BRD8: variants seen among roughly 807,000 people sequenced by gnomAD.
The protein encoded by BRD8 is bromodomain containing 8.
Under a neutral mutation model 143.1 loss-of-function variants are expected in BRD8, and 67 were observed. The observed-to-expected ratio is 0.47, with a 90% confidence interval of 0.38 to 0.57. The LOEUF (loss-of-function observed/expected upper bound fraction) is 0.57, where lower values mean the gene tolerates loss of function less well. Among genes scored for constraint, BRD8 ranks in the 20% least tolerant of loss-of-function variants. BRD8 has a pLI of 0.00. For missense variants in BRD8, 1,103 were observed against 1,503.0 expected, an observed-to-expected ratio of 0.73 and a Z score of 4.40; for synonymous variants, 505 against 517.1, an observed-to-expected ratio of 0.98 and a Z score of 0.32.
intron 19 of BRD8, 47 bp from the exon 20 acceptor site, chr5:138,159,646 A>C: frequency 1.9e-6 from 3 of 1,588,846 alleles, no homozygotes; most frequent in Non-Finnish European, 2.6e-6. Flanking sequence ...AGAAACTCTC[A>C]GCCACAAGCA....
chr5:138,144,916 A>AT (rs1337652818), intron 25 of BRD8, among the ~76,000 whole-genome samples: 2,627 of 134,388 alleles, frequency 0.02, 11 homozygotes, highest in Middle Eastern at 0.028. Context: ...AAAAAAAAAA[A>AT]AAATATATAT....
In BRD8 at chr5:138,152,780, C is replaced by T; in HGVS notation, c.2578-20G>A. Reference sequence around the variant, plus strand: ...TCCCATCTGTAAATACACAGGAAAACATGCATTAAATTCATTCAAATAAAT... The same window carrying T: ...TCCCATCTGTAAATACACAGGAAAATATGCATTAAATTCATTCAAATAAAT... On this transcript the variant is annotated intron_variant, in intron 20 of 26. Coordinates refer to ENST00000254900, the MANE Select transcript of BRD8 (RefSeq NM_139199.2). 4.4e-6 allele frequency: 7 copies of T among 1,599,708 alleles called. No individual in the cohort carries two copies. Among genetic ancestry groups the T allele is most frequent in the Non-Finnish European group, 6.0e-6 (7 of 1,170,148 alleles).
chr5:138,152,677 G>C lies in BRD8; in HGVS notation c.2661C>G (p.Phe887Leu). ...GATCCAGACTGGAGTCCCATGAGCTGAAGAGGGACCTGCAGTCATTGCTCA... is the reference window on the plus strand; with the variant it reads ...GATCCAGACTGGAGTCCCATGAGCTCAAGAGGGACCTGCAGTCATTGCTCA... ...SELSNDCRSL[F>L]SSWDSSLDLD... is the part of the protein sequence containing the mutation. The change falls in exon 21 of 27, where the codon TTC (phenylalanine) becomes TTG (leucine). Residue 887 changes from phenylalanine to leucine, a missense_variant. This residue lies in a region of BRD8 where 369 missense variants were observed against 445.5 expected (regional missense o/e 0.83). Coordinates refer to ENST00000254900, the MANE Select transcript of BRD8 (RefSeq NM_139199.2). 1 of 1,614,186 alleles carries C rather than the reference G, an allele frequency of 6.2e-7. No individual in the cohort carries two copies.
chr5:138,148,629 A>G (rs1350014116), intron 23 of BRD8, among the ~76,000 whole-genome samples: 1 of 152,102 alleles, frequency 6.6e-6, no homozygotes, highest in Non-Finnish European at 1.5e-5. Context: ...TCTGCCTCCC[A>G]AAGTGCTGAG....
intron 9 of BRD8, 101 bp from the exon 10 acceptor site, chr5:138,166,828 A>ATCCTTTGAGACCAT: frequency 1.4e-6 from 1 of 733,238 alleles, no homozygotes; most frequent in Non-Finnish European, 2.4e-6. Context: ...TTATGGTCTC[A>ATCCTTTGAGACCAT]AAGGATGAGA....
intron 25 of BRD8, among the ~76,000 whole-genome samples, chr5:138,141,824 A>G (rs1304124533): frequency 6.7e-6 from 1 of 149,988 alleles, no homozygotes; most frequent in Non-Finnish European, 1.5e-5. Context: ...TGTAGAAAGA[A>G]GACTGAACTG....
At chr5:138,145,308 G>A in intron 24 of BRD8, 63 bp from the exon 25 acceptor site, 1 of 1,479,916 alleles carries the variant, frequency 6.8e-7, no homozygotes, top group Non-Finnish European at 9.4e-7. Flanking sequence ...AAGGAGAAGA[G>A]TAGCTCAGTT....
rs1164374670 is a variant in BRD8 at position 138,166,710 on chromosome 5, G to A, written c.805C>T (p.Arg269Trp). 2.5e-6 allele frequency: 4 copies of A among 1,608,316 alleles called. No individual in the cohort carries two copies. The highest frequency in any genetic ancestry group is 1.7e-6 in the Non-Finnish European group (2 of 1,175,112). Residue 269 changes from arginine (R) to tryptophan (W), a missense_variant, in exon 10 of 27, where the codon CGG (arginine) becomes TGG (tryptophan). By Grantham distance (101) the Arg-to-Trp change is moderately radical. Coordinates refer to ENST00000254900, the MANE Select transcript of BRD8 (RefSeq NM_139199.2). ...TGTGTAGGACCAGCTTCTAAAAGCC[G>A]GGAAAGAGTGGGAGCACCTAACATA... ...PAASGAPTLS[R>W]LLEAGPTQFT...
Position 138,140,045 on chromosome 5 carries a change from C to T in BRD8, c.*29G>A. On this transcript the variant is annotated 3_prime_UTR_variant, in exon 27 of 27. Coordinates refer to ENST00000254900, the MANE Select transcript of BRD8 (RefSeq NM_139199.2). The stretch of plus-strand genomic sequence containing the variant: ...CAGAGTTCCGGGAGAGATTCAAACT[C>T]TAGAAAAAGTCAGGATAGCAGCTCC... The T allele has an allele frequency of 1.3e-6, 2 of 1,558,966 alleles. No homozygotes were observed. Among genetic ancestry groups the T allele is most frequent in the Non-Finnish European group, 1.8e-6 (2 of 1,129,782 alleles).
chr5:138,169,189 C>G, intron 8 of BRD8, 33 bp downstream of exon 8: 1 of 1,606,818 alleles, frequency 6.2e-7, no homozygotes, highest in Non-Finnish European at 8.5e-7. Flanking sequence ...TGCCCCTTCA[C>G]TGATCAATTC....
intron 2 of BRD8, among the ~76,000 whole-genome samples, chr5:138,175,405 T>C (rs1186589645): frequency 6.6e-6 from 1 of 152,032 alleles, no homozygotes; most frequent in African/African-American, 2.4e-5. Context: ...GAGGGGCTGA[T>C]ACCGAGAAAG....
chr5:138,169,502 C>T, intron 7 of BRD8, 144 bp from the exon 8 acceptor site: 3 of 930,174 alleles, frequency 3.2e-6, no homozygotes, highest in Admixed American at 3.0e-5. Context: ...AAAGCTTTAA[C>T]ACTTCTAGAG....
chr5:138,150,119 ATTT>A (rs761793108), intron 22 of BRD8, among the ~76,000 whole-genome samples: 2 of 141,376 alleles, frequency 1.4e-5, no homozygotes, highest in African/African-American at 2.6e-5. Flanking sequence ...TGGCCAGATA[ATTT>A]TTTTTTTTTT....
intron 2 of BRD8, among the ~76,000 whole-genome samples, chr5:138,176,166 G>A (rs1314574763): frequency 1.3e-5 from 2 of 151,858 alleles, no homozygotes; most frequent in Non-Finnish European, 2.9e-5. Context: ...AAGGAATTAA[G>A]TATTGATACA....
At chr5:138,158,634 G>A (rs112490302) in intron 20 of BRD8, among the ~76,000 whole-genome samples, 3,343 of 151,124 alleles carry the variant, frequency 0.022, 123 homozygotes, top group African/African-American at 0.075. Flanking sequence ...GTAGAGACGG[G>A]GTTTTTACAT....
In BRD8 at chr5:138,172,046, C is replaced by T. The variant is rs775094755; in HGVS notation, c.186+19G>A. On this transcript the variant is annotated intron_variant, in intron 3 of 26. Coordinates refer to ENST00000254900, the MANE Select transcript of BRD8 (RefSeq NM_139199.2). ...CAACCCAAAGACTGCTCTAAAAGAGCCCTTGCTTGGGAACTTACTTTTTGA... is the reference window on the plus strand; with the variant it reads ...CAACCCAAAGACTGCTCTAAAAGAGTCCTTGCTTGGGAACTTACTTTTTGA... The T allele has an allele frequency of 7.5e-6, 12 of 1,608,684 alleles. No homozygotes were observed. Among genetic ancestry groups the T allele is most frequent in the Non-Finnish European group, 9.4e-6 (11 of 1,175,308 alleles).
Position 138,167,970 on chromosome 5 carries a change from T to C in BRD8, c.751A>G (p.Thr251Ala). ...PMIHGGEIQQ[T>A]PNTVAASPAA... is the part of the protein sequence containing the mutation. The stretch of plus-strand genomic sequence containing the variant: ...GGGGAGGCTGCAACAGTATTGGGTG[T>C]TTGCTGTATCTCCCCACCATGTATC... Residue 251 changes from threonine (T) to alanine (A), a missense_variant, in exon 9 of 27, where the codon ACA becomes GCA. Thr to Ala is a moderately conservative substitution (Grantham distance 58, BLOSUM62 0). Around this residue, in one of 7 missense-constraint regions of BRD8, gnomAD observed 334 missense variants for 372.5 expected, o/e 0.90. Coordinates refer to ENST00000254900, the MANE Select transcript of BRD8 (RefSeq NM_139199.2). 6.2e-7 allele frequency: 1 copy of C among 1,613,756 alleles called. No homozygotes were observed. The highest frequency in any genetic ancestry group is 8.5e-7 in the Non-Finnish European group (1 of 1,179,668).
intron 2 of BRD8, among the ~76,000 whole-genome samples, chr5:138,175,544 A>G (rs1407316648): frequency 1.3e-5 from 2 of 150,020 alleles, no homozygotes; most frequent in African/African-American, 2.5e-5. Flanking sequence ...AAGTGACAAA[A>G]AACACAAAAA....
At chr5:138,172,383 C>T (rs1303327136) in intron 2 of BRD8, among the ~76,000 whole-genome samples, 2 of 151,256 alleles carry the variant, frequency 1.3e-5, no homozygotes, top group Admixed American at 1.3e-4. Flanking sequence ...ATTAGTTGGG[C>T]ATGGTGGCAT....
Sources: allele counts gnomAD v4.1 joint callset (sites outside exome capture counted in the v4.1 genomes callset), GRCh38; gene constraint gnomAD v4.1.1; regional missense constraint gnomAD v4.1.1; transcripts MANE v1.5; gene names NCBI Gene and HGNC (gene_info 2026-07-23, HGNC 2026-07-21).